The following CRADD variants were observed in gnomAD, a reference collection of about 807,000 sequenced individuals.
The protein encoded by CRADD is CARD and death domain containing adaptor protein, also known as death domain-containing protein CRADD.
A neutral mutation model predicts 15.5 loss-of-function variants in CRADD; 9 were observed. The observed-to-expected ratio is 0.58, with a 90% CI of 0.35 to 1.01. The LOEUF (loss-of-function observed/expected upper bound fraction) is 1.01, where lower values mean the gene tolerates loss of function less well. Among genes scored for constraint, CRADD ranks in the 50% least tolerant of loss-of-function variants. The pLI is 0.02. For missense variants in CRADD, 227 were observed against 250.3 expected, an observed-to-expected ratio of 0.91 and a Z score of 0.63; for synonymous variants, 118 against 107.6, an observed-to-expected ratio of 1.10 and a Z score of -0.60.
chr12:93,852,107 C>G (rs551515344), downstream of CRADD, among the ~76,000 whole-genome samples: 1 of 152,316 alleles, frequency 6.6e-6, no homozygotes, highest in East Asian at 1.9e-4. Flanking sequence ...TCACTGTGCC[C>G]AGTGATAGAC....
At chr12:93,715,354 A>G (rs575558980) in intron 2 of CRADD, among the ~76,000 whole-genome samples, 1 of 152,368 alleles carries the variant, frequency 6.6e-6, no homozygotes, top group East Asian at 1.9e-4. Context: ...AATACTTCAC[A>G]AGAACATTGG....
chr12:93,746,011 G>A (rs1956743714), intron 2 of CRADD, among the ~76,000 whole-genome samples: 1 of 152,158 alleles, frequency 6.6e-6, no homozygotes, highest in Admixed American at 6.5e-5. Flanking sequence ...GGAAAATAAG[G>A]CTAGGAGAAA....
intron 2 of CRADD, among the ~76,000 whole-genome samples, chr12:93,882,837 G>A (rs1404865321): frequency 6.6e-6 from 1 of 152,192 alleles, no homozygotes; most frequent in Non-Finnish European, 1.5e-5. Context: ...AGATTCCAGA[G>A]TTAGGAGCCA....
chr12:93,779,611 A>G (rs1345152731), intron 2 of CRADD, among the ~76,000 whole-genome samples: 3 of 142,362 alleles, frequency 2.1e-5, no homozygotes, highest in African/African-American at 5.1e-5. Flanking sequence ...TTTTTTTGAG[A>G]CAGAGTCTCA....
chr12:93,868,628 A>C (rs1005456228), intron 2 of CRADD, among the ~76,000 whole-genome samples: 1 of 152,004 alleles, frequency 6.6e-6, no homozygotes, highest in South Asian at 2.1e-4. Context: ...AGTTTGTATC[A>C]GACTAAACCT....
chr12:93,785,379 G>A (rs985293888), intron 2 of CRADD, among the ~76,000 whole-genome samples: 1 of 152,282 alleles, frequency 6.6e-6, no homozygotes, highest in Admixed American at 6.5e-5. Context: ...CCAAAGGGTA[G>A]TGGCTTGAGT....
At chr12:93,798,075 C>A (rs910178984) in intron 2 of CRADD, among the ~76,000 whole-genome samples, 1 of 152,312 alleles carries the variant, frequency 6.6e-6, no homozygotes, top group South Asian at 2.1e-4. Context: ...CATTTTCCTC[C>A]TTCAGCTTCA....
chr12:93,847,518 A>C (rs1212942843), intron 2 of CRADD, among the ~76,000 whole-genome samples: 2 of 149,058 alleles, frequency 1.3e-5, no homozygotes, highest in African/African-American at 4.9e-5. Context: ...AAAAAAAAAA[A>C]AAACCTCCCT....
At chr12:93,700,465 C>T (rs1472381839) in intron 2 of CRADD, among the ~76,000 whole-genome samples, 1 of 151,972 alleles carries the variant, frequency 6.6e-6, no homozygotes. Context: ...GAGTCTGGCT[C>T]TGTCACCCAG....
At chr12:93,751,408 T>A (rs1023017263) in intron 2 of CRADD, among the ~76,000 whole-genome samples, 3 of 152,154 alleles carry the variant, frequency 2.0e-5, no homozygotes, top group Non-Finnish European at 4.4e-5. Context: ...TAAACACTGT[T>A]AAGAAAATGA....
At chr12:93,861,645 A>C (rs962654399) in intron 2 of CRADD, among the ~76,000 whole-genome samples, 1 of 152,158 alleles carries the variant, frequency 6.6e-6, no homozygotes, top group Non-Finnish European at 1.5e-5. Flanking sequence ...GAGTCCGCTC[A>C]GGCCTTCCTT....
intron 2 of CRADD, among the ~76,000 whole-genome samples, chr12:93,693,412 C>T (rs1410778590): frequency 6.6e-6 from 1 of 151,870 alleles, no homozygotes; most frequent in Non-Finnish European, 1.5e-5. Context: ...ATTTTCCATG[C>T]AAATGGAAAC....
chr12:93,686,401 AAGAC>A (rs974609476), intron 2 of CRADD, among the ~76,000 whole-genome samples: 1 of 152,080 alleles, frequency 6.6e-6, no homozygotes, highest in African/African-American at 2.4e-5. Context: ...TTTAAAAAGA[AAGAC>A]AGGCATTTGG....
intron 2 of CRADD, chr12:93,815,062 G>T (rs1957678078): frequency 6.6e-6 from 1 of 152,182 alleles, no homozygotes; most frequent in African/African-American, 2.4e-5. Flanking sequence ...CATTGGATGG[G>T]CAGGTGCAGA....
At chr12:93,723,404 C>T (rs1956299189) in intron 2 of CRADD, among the ~76,000 whole-genome samples, 1 of 152,158 alleles carries the variant, frequency 6.6e-6, no homozygotes. Flanking sequence ...GCTGGTGCCA[C>T]CCAGACTGGT....
At chr12:93,782,117 G>T (rs1278921735) in intron 2 of CRADD, among the ~76,000 whole-genome samples, 1 of 151,966 alleles carries the variant, frequency 6.6e-6, no homozygotes, top group Non-Finnish European at 1.5e-5. Flanking sequence ...TGATAGACTG[G>T]ATTAAGAAAA....
chr12:93,786,713 G>T (rs1292306160), intron 2 of CRADD, among the ~76,000 whole-genome samples: 1 of 152,194 alleles, frequency 6.6e-6, no homozygotes, highest in Non-Finnish European at 1.5e-5. Context: ...GTCAGTTACT[G>T]TCTTGAGGTA....
At chr12:93,708,135 G>C (rs561968148) in intron 2 of CRADD, 4 of 152,318 alleles carry the variant, frequency 2.6e-5, no homozygotes, top group Non-Finnish European at 5.9e-5. Context: ...GCATCTGTTA[G>C]GTGCCAGGCC....
chr12:93,886,670 G>A (rs923076340), intron 2 of CRADD, among the ~76,000 whole-genome samples: 2 of 152,318 alleles, frequency 1.3e-5, no homozygotes, highest in Non-Finnish European at 2.9e-5. Context: ...ACAAGAATGA[G>A]CAGAGTATGT....
Sources: gnomAD v4.1 joint callset for allele counts (sites outside exome capture counted in the v4.1 genomes callset) on GRCh38, gnomAD v4.1.1 for gene constraint, MANE v1.5 for transcripts, NCBI Gene and HGNC (gene_info 2026-07-23, HGNC 2026-07-21) for gene names.